The following LHFPL3 variants were observed in gnomAD, a reference collection of about 807,000 sequenced individuals.
LHFPL3 encodes the protein LHFPL tetraspan subfamily member 3.
A neutral mutation model predicts 19.3 loss-of-function variants in LHFPL3; 5 were observed. The observed-to-expected ratio is 0.26, with a 90% confidence interval of 0.14 to 0.54. LHFPL3 has a LOEUF of 0.54. Ranked by LOEUF, LHFPL3 falls within the 20% of genes least tolerant of loss-of-function variation. The pLI is 0.94. For missense variants in LHFPL3, 249 were observed against 307.4 expected (o/e 0.81, Z 1.42); for synonymous variants, 133 against 126.2 (o/e 1.05, Z -0.36).
chr7:104,644,005 G>A (rs1020350167), intron 1 of LHFPL3, among the ~76,000 whole-genome samples: 2 of 152,162 alleles, frequency 1.3e-5, no homozygotes, highest in East Asian at 1.9e-4. Context: ...TCAACTACTA[G>A]TTCTTTGCTA....
intron 1 of LHFPL3, among the ~76,000 whole-genome samples, chr7:104,337,375 G>A (rs1040707794): frequency 6.6e-5 from 10 of 152,120 alleles, no homozygotes; most frequent in Non-Finnish European, 1.2e-4. Context: ...GCTTAAAAAT[G>A]TATTGGCACA....
At chr7:104,446,853 A>G (rs540696894) in intron 1 of LHFPL3, among the ~76,000 whole-genome samples, 4 of 152,278 alleles carry the variant, frequency 2.6e-5, no homozygotes, top group East Asian at 1.9e-4. Flanking sequence ...GGCCGATTCT[A>G]TAGTTTTATT....
At chr7:104,667,265 G>GGGGC (rs1554422210) in intron 1 of LHFPL3, among the ~76,000 whole-genome samples, 1 of 52,050 alleles carries the variant, frequency 1.9e-5, no homozygotes, top group African/African-American at 6.7e-5. Flanking sequence ...CTGTTTTCTT[G>GGGGC]GGGGGGGGAA....
At chr7:104,621,212 T>A (rs988891616) in intron 1 of LHFPL3, among the ~76,000 whole-genome samples, 5 of 152,222 alleles carry the variant, frequency 3.3e-5, no homozygotes, top group African/African-American at 1.2e-4. Context: ...GATCCAGTCC[T>A]GAAAGTTAAT....
chr7:104,378,207 C>T (rs1790755546), intron 1 of LHFPL3, among the ~76,000 whole-genome samples: 1 of 152,182 alleles, frequency 6.6e-6, no homozygotes, highest in Non-Finnish European at 1.5e-5. Flanking sequence ...ACCCCTAACA[C>T]TTCCCTCCTG....
chr7:104,842,643 T>C (rs1791236311), intron 2 of LHFPL3, among the ~76,000 whole-genome samples: 1 of 152,226 alleles, frequency 6.6e-6, no homozygotes, highest in Non-Finnish European at 1.5e-5. Context: ...TCTTCATCTG[T>C]TGTGGAACCA....
intron 1 of LHFPL3, among the ~76,000 whole-genome samples, chr7:104,495,914 T>A (rs1266295798): frequency 6.6e-6 from 1 of 151,100 alleles, no homozygotes; most frequent in Admixed American, 6.6e-5. Context: ...CATTTATTAC[T>A]TTACTTAGGA....
chr7:104,388,982 A>G (rs940335228), intron 1 of LHFPL3, among the ~76,000 whole-genome samples: 1 of 152,176 alleles, frequency 6.6e-6, no homozygotes, highest in Non-Finnish European at 1.5e-5. Flanking sequence ...GTCTGCTTCA[A>G]TTACCACTCT....
chr7:104,514,874 A>T (rs986303913), intron 1 of LHFPL3, among the ~76,000 whole-genome samples: 14 of 152,176 alleles, frequency 9.2e-5, no homozygotes, highest in African/African-American at 3.4e-4. Flanking sequence ...ACACAATTAT[A>T]TATATTGTAG....
intron 2 of LHFPL3, among the ~76,000 whole-genome samples, chr7:104,794,918 C>T (rs1459619282): frequency 1.3e-5 from 2 of 152,162 alleles, no homozygotes; most frequent in Non-Finnish European, 2.9e-5. Context: ...GCTTTTCCTA[C>T]AACTTGAGCC....
intron 1 of LHFPL3, among the ~76,000 whole-genome samples, chr7:104,572,449 A>T (rs1790247469): frequency 6.6e-6 from 1 of 152,212 alleles, no homozygotes; most frequent in Admixed American, 6.5e-5. Context: ...TTATGGATTC[A>T]TGGACTTAAT....
At chr7:104,412,138 G>A (rs1261466243) in intron 1 of LHFPL3, among the ~76,000 whole-genome samples, 1 of 147,404 alleles carries the variant, frequency 6.8e-6, no homozygotes, top group Non-Finnish European at 1.5e-5. Flanking sequence ...ATTAACAAGA[G>A]CTATGATTTG....
intron 1 of LHFPL3, among the ~76,000 whole-genome samples, chr7:104,610,957 T>C (rs1791201907): frequency 1.3e-5 from 2 of 152,180 alleles, no homozygotes; most frequent in Admixed American, 6.6e-5. Context: ...CATCTAGCCA[T>C]TTTTTTCATT....
rs543466275 is a variant in LHFPL3 at position 104,386,099 on chromosome 7, G to A, written c.445+56875G>A. Among the ~76,000 whole-genome samples, 21 of 152,258 alleles carry A rather than the reference G, an allele frequency of 1.4e-4. No homozygotes were observed. In the South Asian group the frequency reaches 3.1e-3, roughly 23 times the overall value. The stretch of plus-strand genomic sequence containing the variant: ...ATTCCCATCCTCCTCCCCCAGCTCC[G>A]TGGTAGCCTTGAATACTAGCTGATT... On this transcript the variant is annotated intron_variant, in intron 1 of 2. Coordinates refer to ENST00000424859, the MANE Select transcript of LHFPL3 (RefSeq NM_199000.3).
intron 2 of LHFPL3, among the ~76,000 whole-genome samples, chr7:104,901,162 C>A (rs1418972499): frequency 6.6e-6 from 1 of 152,236 alleles, no homozygotes; most frequent in African/African-American, 2.4e-5. Context: ...TTTCCTTCCA[C>A]TTACTCTCTT....
At chr7:104,560,935 A>T (rs1422265580) in intron 1 of LHFPL3, among the ~76,000 whole-genome samples, 1 of 149,372 alleles carries the variant, frequency 6.7e-6, no homozygotes, top group African/African-American at 2.5e-5. Flanking sequence ...TCATTTCGTT[A>T]TGTACCCAGT....
At chr7:104,649,660 C>A (rs1014716357) in intron 1 of LHFPL3, among the ~76,000 whole-genome samples, 1 of 152,116 alleles carries the variant, frequency 6.6e-6, no homozygotes, top group Non-Finnish European at 1.5e-5. Flanking sequence ...TGGAAGGGCA[C>A]AAGACTGTTA....
At chr7:104,781,006 T>C (rs1227276608) in intron 2 of LHFPL3, among the ~76,000 whole-genome samples, 1 of 152,182 alleles carries the variant, frequency 6.6e-6, no homozygotes, top group East Asian at 1.9e-4. Flanking sequence ...TCCTTTGCCA[T>C]GTGCCTTGTT....
chr7:104,863,440 G>C (rs147662977), intron 2 of LHFPL3, among the ~76,000 whole-genome samples: 29 of 152,290 alleles, frequency 1.9e-4, no homozygotes, highest in African/African-American at 7.0e-4. Flanking sequence ...ATTTGTCAAA[G>C]ACTAACCAAA....
Sources: gnomAD v4.1 joint callset for allele counts (sites outside exome capture counted in the v4.1 genomes callset) on GRCh38, gnomAD v4.1.1 for gene constraint, MANE v1.5 for transcripts, NCBI Gene and HGNC (gene_info 2026-07-23, HGNC 2026-07-21) for gene names.